The following ARGLU1 variants were observed in gnomAD, a reference collection of about 807,000 sequenced individuals.
The protein encoded by ARGLU1 is arginine and glutamate rich 1.
Under a neutral mutation model 37.6 loss-of-function variants are expected in ARGLU1, and 9 were observed. The observed-to-expected ratio is 0.24, with a 90% CI of 0.14 to 0.42. The LOEUF (loss-of-function observed/expected upper bound fraction) is 0.42, where lower values mean the gene tolerates loss of function less well. Ranked by LOEUF, ARGLU1 falls within the 10% of genes least tolerant of loss-of-function variation. The probability of loss-of-function intolerance (pLI) is 1.00; values close to 1 mark genes in which losing one functional copy is unlikely to be tolerated. For missense variants in ARGLU1, 211 were observed against 359.2 expected, an observed-to-expected ratio of 0.59 and a Z score of 3.34; for synonymous variants, 166 against 138.5, an observed-to-expected ratio of 1.20 and a Z score of -1.39.
Position 106,542,909 on chromosome 13 carries a change from G to C in ARGLU1, c.*1087C>G, listed in dbSNP as rs144024905. The C allele has an allele frequency of 5.9e-5, 9 of 151,440 alleles. No individual in the cohort carries two copies. Among genetic ancestry groups the C allele is most frequent in the African/African-American group, 1.9e-4 (8 of 41,306 alleles). The allele number at this position is 151,440 out of a possible 1,614,324, so 9.4% of individuals were successfully genotyped here. A position where few individuals can be genotyped will look rare whatever the true frequency, so the allele number is the denominator to read the frequency against. On this transcript the variant is annotated 3_prime_UTR_variant, in exon 4 of 4. Transcript: ENST00000400198. ...GTACACTACACAATGAAAATGACTC[G>C]ACCATCTTAGCCTTTTTTTGACAGT...
rs892415935 is a variant in ARGLU1, at chr13:106,542,882, A to T, written c.*1114T>A. The stretch of plus-strand genomic sequence containing the variant: ...GTGTTTGTCCTAAAAATAAACGTGC[A>T]AGTACACTACACAATGAAAATGACT... On this transcript the variant is annotated 3_prime_UTR_variant, in exon 4 of 4. Coordinates refer to ENST00000400198, the MANE Select transcript of ARGLU1 (RefSeq NM_018011.4). 6 of 151,958 alleles carry T rather than the reference A, an allele frequency of 3.9e-5. No individual in the cohort carries two copies. Among genetic ancestry groups the T allele is most frequent in the African/African-American group, 1.4e-4 (6 of 41,420 alleles). 9.4% of individuals were successfully genotyped at this position (151,958 alleles called of 1,614,324 possible).
At chr13:106,551,531 C>G (rs1051050003) in intron 3 of ARGLU1, among the ~76,000 whole-genome samples, 1 of 152,192 alleles carries the variant, frequency 6.6e-6, no homozygotes, top group Non-Finnish European at 1.5e-5. Flanking sequence ...TGACTCAAAA[C>G]TGGAGCCTCT....
In ARGLU1 at chr13:106,557,684, C is replaced by G; in HGVS notation, c.574-553G>C. 1 of 1,539,882 alleles carries G rather than the reference C, an allele frequency of 6.5e-7. No individual in the cohort carries two copies. Among genetic ancestry groups the G allele is most frequent in the Non-Finnish European group, 8.8e-7 (1 of 1,140,152 alleles). ...AGCAGCTCAACCATTTATAAAGAAA[C>G]AACATACAAGGAAGGCTGAGCTGAG... On this transcript the variant is annotated intron_variant, in intron 2 of 3. Transcript: ENST00000400198. This position sits in a 1 kb window ranked among gnomAD's most constrained non-coding sequence, Gnocchi z 5.0.
Position 106,542,551 on chromosome 13 carries a change from T to A in ARGLU1, c.*1445A>T, listed in dbSNP as rs866944922. 6.6e-6 allele frequency: 1 copy of A among 152,152 alleles called. No individual in the cohort carries two copies. The highest frequency in any genetic ancestry group is 2.4e-5 in the African/African-American group (1 of 41,450). 9.4% of individuals were successfully genotyped at this position (152,152 alleles called of 1,614,324 possible). A position where few individuals can be genotyped will look rare whatever the true frequency, so the allele number is the denominator to read the frequency against. On this transcript the variant is annotated 3_prime_UTR_variant, in exon 4 of 4. Transcript: ENST00000400198. The stretch of plus-strand genomic sequence containing the variant: ...AGCTCAAAACTAAAGCAACAGCATT[T>A]TTCCTAGCATGCACACACAAAATAA...
intron 1 of ARGLU1, among the ~76,000 whole-genome samples, chr13:106,565,328 G>A (rs149145187): frequency 5.9e-5 from 9 of 152,244 alleles, no homozygotes; most frequent in African/African-American, 2.2e-4. Context: ...CAGGAGTCGG[G>A]GGAGGAGGCT....
In ARGLU1 at chr13:106,543,336, GACTTT is replaced by G. The variant is rs918176121; in HGVS notation, c.*655_*659del. On this transcript the variant is annotated 3_prime_UTR_variant, in exon 4 of 4. Transcript: ENST00000400198. ...AAATTGCTTCAACATATGAATTTAA[GACTTT>G]ACTTTATTCAGCAAAATCATTTATT... is the stretch of plus-strand genomic sequence containing the variant. The G allele has an allele frequency of 2.1e-4, 32 of 152,416 alleles. No homozygotes were observed. The highest frequency in any genetic ancestry group is 3.9e-4 in the African/African-American group (16 of 41,398). The allele number at this position is 152,416 out of a possible 1,614,324, so 9.4% of individuals were successfully genotyped here.
chr13:106,551,710 G>A lies in ARGLU1; in HGVS notation c.657+5338C>T, dbSNP rs192278531. On this transcript the variant is annotated intron_variant, in intron 3 of 3. Transcript: ENST00000400198. ...CCATTCTCCTTCTGGAGTCTTTAGC[G>A]GAGAGTCTGCTCCTTGTCTCTTACA... Among the ~76,000 whole-genome samples the A allele has an allele frequency of 1.2e-4, 19 of 152,260 alleles. No individual in the cohort carries two copies. In the East Asian group the frequency reaches 1.9e-3, roughly 15 times the overall value.
rs1880677303 is a variant in ARGLU1, at chr13:106,557,028, C to A, written c.657+20G>T. Reference sequence around the variant, plus strand: ...ATAAAGCAAAATACAAAACACTTTTCATGTATGCTTTACACTTACCAGTTT... The same window carrying A: ...ATAAAGCAAAATACAAAACACTTTTAATGTATGCTTTACACTTACCAGTTT... On this transcript the variant is annotated intron_variant, in intron 3 of 3. Coordinates refer to ENST00000400198, the MANE Select transcript of ARGLU1 (RefSeq NM_018011.4). The surrounding 1 kb of genome is among the most constrained non-coding windows in gnomAD (Gnocchi z 5.0). 3 of 1,596,094 alleles carry A rather than the reference C, an allele frequency of 1.9e-6. No individual in the cohort carries two copies. The South Asian group carries it at 3.3e-5, about 18-fold the overall frequency.
intron 2 of ARGLU1, chr13:106,558,693 G>C (rs1279733213): frequency 1.0e-6 from 1 of 985,298 alleles, no homozygotes; most frequent in East Asian, 1.1e-4. Flanking sequence ...TCCAGCTGCT[G>C]ATAAAACAAA....
chr13:106,565,463 T>C (rs1410661291), intron 1 of ARGLU1, among the ~76,000 whole-genome samples: 1 of 152,242 alleles, frequency 6.6e-6, no homozygotes, highest in Non-Finnish European at 1.5e-5. Flanking sequence ...CTACACTGTA[T>C]TATTGCCTAT....
In ARGLU1 at chr13:106,567,322, C is replaced by T. The variant is rs923410853; in HGVS notation, c.347+251G>A. ...CTCTCTCGCGCCAAAATCGCCTTCT[C>T]TTAAACCCTTTCTGCTCAAGCCCTC... On this transcript the variant is annotated intron_variant, in intron 1 of 3. Coordinates refer to ENST00000400198, the MANE Select transcript of ARGLU1 (RefSeq NM_018011.4). This position sits in a 1 kb window ranked among gnomAD's most constrained non-coding sequence, Gnocchi z 4.3. Among the ~76,000 whole-genome samples, 3 of 151,032 alleles carry T rather than the reference C, an allele frequency of 2.0e-5. No individual in the cohort carries two copies. The highest frequency in any genetic ancestry group is 4.4e-5 in the Non-Finnish European group (3 of 67,750).
At chr13:106,549,815 G>A (rs1369955678) in intron 3 of ARGLU1, among the ~76,000 whole-genome samples, 1 of 152,136 alleles carries the variant, frequency 6.6e-6, no homozygotes, top group East Asian at 1.9e-4. Flanking sequence ...GAAGACAACT[G>A]TTTCAAAAGG....
In ARGLU1 at chr13:106,547,434, T is replaced by C. The variant is rs113456335; in HGVS notation, c.658-3274A>G. 9.6e-4 allele frequency among the ~76,000 whole-genome samples: 146 copies of C among 152,186 alleles called. No individual in the cohort carries two copies. The Middle Eastern group carries it at 0.014, about 14-fold the overall frequency. On this transcript the variant is annotated intron_variant, in intron 3 of 3. Coordinates refer to ENST00000400198, the MANE Select transcript of ARGLU1 (RefSeq NM_018011.4). ...GGGTTACATATTACAACACAGTTTA[T>C]AGAAAGAAAAGAATGTGAAAAAAAC...
In ARGLU1 at chr13:106,559,596, A is replaced by G. The variant is rs1333320381; in HGVS notation, c.409T>C (p.Leu137=). The G allele has an allele frequency of 2.5e-6, 4 of 1,613,926 alleles. No individual in the cohort carries two copies. The highest frequency in any genetic ancestry group is 2.7e-5 in the African/African-American group (2 of 74,864). The change falls in exon 2 of 4, where the codon TTG becomes CTG. Residue 137 remains leucine, a synonymous_variant. Coordinates refer to ENST00000400198, the MANE Select transcript of ARGLU1 (RefSeq NM_018011.4). Reference sequence around the variant, plus strand: ...TCTTCCTCCACCCTTTTTGCTACCAATTCTTCTACTCTTCGTGCTGTTTCT... The same window carrying G: ...TCTTCCTCCACCCTTTTTGCTACCAGTTCTTCTACTCTTCGTGCTGTTTCT... ...EEETARRVEE[L]VAKRVEEELE... is the part of the protein sequence containing the mutation.
rs1032640526 is a variant in ARGLU1 at position 106,542,862 on chromosome 13, T to C, written c.*1134A>G. The C allele has an allele frequency of 2.0e-5, 3 of 151,978 alleles. No individual in the cohort carries two copies. The highest frequency in any genetic ancestry group is 4.8e-5 in the African/African-American group (2 of 41,422). The allele number at this position is 151,978 out of a possible 1,614,324, so 9.4% of individuals were successfully genotyped here. A position where few individuals can be genotyped will look rare whatever the true frequency, so the allele number is the denominator to read the frequency against. On this transcript the variant is annotated 3_prime_UTR_variant, in exon 4 of 4. Coordinates refer to ENST00000400198, the MANE Select transcript of ARGLU1 (RefSeq NM_018011.4). ...AAAATTCATAAAGTTCAAATGTGTT[T>C]GTCCTAAAAATAAACGTGCAAGTAC...
chr13:106,565,368 C>T (rs1418030734), intron 1 of ARGLU1, among the ~76,000 whole-genome samples: 1 of 152,164 alleles, frequency 6.6e-6, no homozygotes, highest in African/African-American at 2.4e-5. Context: ...TGTCCTATAC[C>T]TTGCCTGACA....
chr13:106,559,844 A>C (rs112953699), intron 1 of ARGLU1, among the ~76,000 whole-genome samples, 187 bp from the exon 2 acceptor site: 38 of 152,348 alleles, frequency 2.5e-4, no homozygotes, highest in African/African-American at 8.2e-4. Flanking sequence ...AGAAATTCAA[A>C]TGAGTATAAA....
At chr13:106,564,427 T>C (rs543027061) in intron 1 of ARGLU1, among the ~76,000 whole-genome samples, 1 of 152,350 alleles carries the variant, frequency 6.6e-6, no homozygotes, top group South Asian at 2.1e-4. Flanking sequence ...GAATTATAAG[T>C]GGTAAACCAA....
At chr13:106,545,398 A>T (rs1257937086) in intron 3 of ARGLU1, among the ~76,000 whole-genome samples, 1 of 152,138 alleles carries the variant, frequency 6.6e-6, no homozygotes, top group African/African-American at 2.4e-5. Context: ...CATCTCCATT[A>T]TTCTACTAAA....
Sources: gnomAD v4.1 joint callset for allele counts (sites outside exome capture counted in the v4.1 genomes callset) on GRCh38, gnomAD v4.1.1 for gene constraint, Gnocchi (gnomAD v3.1) non-coding constraint, MANE v1.5 for transcripts, NCBI Gene and HGNC (gene_info 2026-07-23, HGNC 2026-07-21) for gene names.